Variants in ERAP1 observed in about 807,000 individuals in gnomAD.
ERAP1 encodes adipocyte-derived leucine aminopeptidase.
Under a neutral mutation model 103.7 loss-of-function variants are expected in ERAP1, and 86 were observed. The observed-to-expected ratio is 0.83, with a 90% CI of 0.70 to 0.99. ERAP1 has a LOEUF of 0.99. Among genes scored for constraint, ERAP1 ranks in the 50% least tolerant of loss-of-function variants. The pLI is 0.00. For missense variants in ERAP1, 1,009 were observed against 1,128.4 expected, an observed-to-expected ratio of 0.89 and a Z score of 1.52; for synonymous variants, 398 against 402.4, an observed-to-expected ratio of 0.99 and a Z score of 0.13.
At chr5:96,842,221 T>TC in the ERAP1 span, among the ~76,000 whole-genome samples, 1 of 152,244 alleles carries the variant, frequency 6.6e-6, no homozygotes, top group South Asian at 2.1e-4. Flanking sequence ...CCGTATTTTT[T>TC]CAATTGTGAA....
the ERAP1 span, among the ~76,000 whole-genome samples, chr5:96,927,165 A>G: frequency 2.0e-5 from 3 of 152,178 alleles, no homozygotes; most frequent in Admixed American, 6.5e-5. Flanking sequence ...CTTTGGGTAT[A>G]TATCTAGGAA....
chr5:96,897,415 C>G, the ERAP1 span, among the ~76,000 whole-genome samples: 1 of 152,198 alleles, frequency 6.6e-6, no homozygotes, highest in Non-Finnish European at 1.5e-5. Flanking sequence ...TTCCAGCCCT[C>G]ATTCGTTTGC....
chr5:96,773,631 ATT>A (rs1773239365), downstream of ERAP1: 1 of 152,028 alleles, frequency 6.6e-6, no homozygotes, highest in South Asian at 2.1e-4. Flanking sequence ...TGAAACCTGC[ATT>A]TCTCCCACAG....
At chr5:96,834,970 CAT>C in the ERAP1 span, among the ~76,000 whole-genome samples, 2 of 152,190 alleles carry the variant, frequency 1.3e-5, no homozygotes, top group Non-Finnish European at 2.9e-5. Context: ...GAAACACCCA[CAT>C]GATTCTTAGG....
the ERAP1 span, chr5:96,903,275 T>G: frequency 1.1e-6 from 1 of 916,020 alleles, no homozygotes; most frequent in Non-Finnish European, 1.6e-6. Flanking sequence ...AACTTCATCT[T>G]CCCATTGATT....
Position 96,781,870 on chromosome 5 carries a change from C to A in ERAP1, c.2286-16G>T, listed in dbSNP as rs1308909600. 4 of 1,613,066 alleles carry A rather than the reference C, an allele frequency of 2.5e-6. No homozygotes were observed. The South Asian group carries it at 3.3e-5, about 13-fold the overall frequency. ...GACAGGCAGGCTATAGAAAGGAACACACTCGGTGAGAATCTGAGGTGCAGT... is the reference window on the plus strand; with the variant it reads ...GACAGGCAGGCTATAGAAAGGAACAAACTCGGTGAGAATCTGAGGTGCAGT... On this transcript the variant is annotated splice_polypyrimidine_tract_variant and intron_variant, in intron 15 of 18. Coordinates refer to ENST00000443439, the MANE Select transcript of ERAP1 (RefSeq NM_001040458.3).
chr5:96,827,772 A>T, the ERAP1 span, among the ~76,000 whole-genome samples: 12 of 152,270 alleles, frequency 7.9e-5, no homozygotes, highest in African/African-American at 2.9e-4. Context: ...CTGTCCCCTG[A>T]CTTCTACCCA....
At chr5:96,892,099 C>T in the ERAP1 span, among the ~76,000 whole-genome samples, 1 of 152,162 alleles carries the variant, frequency 6.6e-6, no homozygotes, top group East Asian at 1.9e-4. Context: ...ACTCTTTGTA[C>T]AACTTATTCC....
In ERAP1 at chr5:96,807,900, C is replaced by CA. The variant is rs1397483708; in HGVS notation, c.-59_-58insT. 1.5e-5 allele frequency: 15 copies of CA among 986,218 alleles called. No homozygotes were observed. The African/African-American group carries it at 2.4e-4, about 16-fold the overall frequency. 61.1% of individuals were successfully genotyped at this position (986,218 alleles called of 1,614,324 possible). The stretch of plus-strand genomic sequence containing the variant: ...CGCCCTCACCCTTGCGCCGCCGCCA[C>CA]CACCACTGCCGCCGGCCTAGCTCCC... On this transcript the variant is annotated 5_prime_UTR_variant, in exon 1 of 19. Coordinates refer to ENST00000443439, the MANE Select transcript of ERAP1 (RefSeq NM_001040458.3).
At chr5:96,913,158 T>C in the ERAP1 span, among the ~76,000 whole-genome samples, 51 of 152,332 alleles carry the variant, frequency 3.3e-4, 1 homozygote, top group East Asian at 9.2e-3. Context: ...AAAAATTATT[T>C]CTAAAAAAGT....
At chr5:96,865,052 GA>G in the ERAP1 span, among the ~76,000 whole-genome samples, 1 of 152,100 alleles carries the variant, frequency 6.6e-6, no homozygotes, top group Non-Finnish European at 1.5e-5. Context: ...ATTCTTCCTA[GA>G]AATTTTTCTA....
the ERAP1 span, among the ~76,000 whole-genome samples, chr5:96,887,073 G>GTATATATATATATATATATA: frequency 1.1e-5 from 1 of 87,164 alleles, no homozygotes; most frequent in Non-Finnish European, 2.3e-5. Context: ...AATTTTCAAA[G>GTATATATATATATATATATA]TATATATATA....
chr5:96,784,008 G>C lies in ERAP1; in HGVS notation c.2016C>G (p.Pro672=). The C allele has an allele frequency of 6.2e-7, 1 of 1,613,760 alleles. No homozygotes were observed. Among genetic ancestry groups the C allele is most frequent in the Non-Finnish European group, 8.5e-7 (1 of 1,179,888 alleles). The change falls in exon 14 of 19, where the codon CCC becomes CCG. Residue 672 remains proline (P), a synonymous_variant. Transcript: ENST00000443439. ...TCAGCTCATTCAAACCTTGAAACAC[G>C]GGCATAATTTCAGTTTCATGTTTCA... The part of the protein sequence containing the change: ...LYLKHETEIM[P]VFQGLNELIP...
the ERAP1 span, among the ~76,000 whole-genome samples, chr5:96,912,199 A>G: frequency 8.0e-5 from 12 of 150,090 alleles, no homozygotes; most frequent in African/African-American, 2.4e-4. Context: ...AAAAAAAAAA[A>G]AAAAAGAAAA....
At chr5:96,762,321 C>T (rs1768281584) in exon 20 of ERAP1, 1 of 1,608,122 alleles carries the variant, frequency 6.2e-7, no homozygotes, top group African/African-American at 1.3e-5. Context: ...AAGTGGTTTC[C>T]CAAACCCCAG....
At chr5:96,912,398 A>G in the ERAP1 span, among the ~76,000 whole-genome samples, 1 of 152,150 alleles carries the variant, frequency 6.6e-6, no homozygotes, top group African/African-American at 2.4e-5. Flanking sequence ...AGAGTAGGTT[A>G]AAATTTTATG....
chr5:96,871,568 G>C, the ERAP1 span, among the ~76,000 whole-genome samples: 1 of 152,064 alleles, frequency 6.6e-6, no homozygotes, highest in African/African-American at 2.4e-5. Context: ...GGTTTATTTT[G>C]CCATCATTTT....
the ERAP1 span, among the ~76,000 whole-genome samples, chr5:96,872,472 A>G: frequency 2.6e-5 from 4 of 152,166 alleles, no homozygotes; most frequent in African/African-American, 9.7e-5. Flanking sequence ...GGTAGTGCAC[A>G]CCTGTAGCCC....
the ERAP1 span, among the ~76,000 whole-genome samples, chr5:96,910,935 C>T: frequency 6.6e-6 from 1 of 152,150 alleles, no homozygotes; most frequent in Non-Finnish European, 1.5e-5. Flanking sequence ...CTTCAAGAAG[C>T]TTACAATGTG....
Sources: gnomAD v4.1 joint callset for allele counts (sites outside exome capture counted in the v4.1 genomes callset) on GRCh38, gnomAD v4.1.1 for gene constraint, MANE v1.5 for transcripts, NCBI Gene and HGNC (gene_info 2026-07-23, HGNC 2026-07-21) for gene names.